The following TYW1B variants were observed in gnomAD, a reference collection of about 807,000 sequenced individuals.
TYW1B encodes the protein S-adenosyl-L-methionine-dependent tRNA 4-demethylwyosine synthase TYW1B.
Under a neutral mutation model 86.9 loss-of-function variants are expected in TYW1B, and 73 were observed. The observed-to-expected ratio is 0.84, with a 90% confidence interval of 0.70 to 1.02. The LOEUF is 1.02. TYW1B is among the 50% of genes least tolerant of loss of function. TYW1B has a pLI of 0.00. For synonymous variants in TYW1B, 248 were observed against 292.8 expected, an observed-to-expected ratio of 0.85 and a Z score of 1.56; for missense variants, 637 against 827.4, an observed-to-expected ratio of 0.77 and a Z score of 2.82.
intron 7 of TYW1B, among the ~76,000 whole-genome samples, chr7:72,754,832 T>C (rs1787559670): frequency 6.6e-6 from 1 of 152,212 alleles, no homozygotes; most frequent in African/African-American, 2.4e-5. Flanking sequence ...TGCCAGACTA[T>C]GTTTGTACAG....
At chr7:72,816,482 G>C (rs1271299943) in intron 2 of TYW1B, among the ~76,000 whole-genome samples, 2 of 152,160 alleles carry the variant, frequency 1.3e-5, no homozygotes, top group Non-Finnish European at 2.9e-5. Context: ...GAGTTCACAG[G>C]GCTGTCAGAA....
chr7:72,742,460 T>C (rs1423547973), intron 8 of TYW1B, among the ~76,000 whole-genome samples: 1 of 152,148 alleles, frequency 6.6e-6, no homozygotes, highest in Non-Finnish European at 1.5e-5. Context: ...CCTCTATTTT[T>C]TCTCTTGATG....
At chr7:72,654,526 A>G (rs1282456736) in intron 11 of TYW1B, among the ~76,000 whole-genome samples, 6 of 152,232 alleles carry the variant, frequency 3.9e-5, no homozygotes, top group Non-Finnish European at 8.8e-5. Context: ...GGAATATAAA[A>G]GGGGCATCCC....
At chr7:72,789,306 A>G (rs1788180221) in intron 6 of TYW1B, among the ~76,000 whole-genome samples, 1 of 150,636 alleles carries the variant, frequency 6.6e-6, no homozygotes, top group Non-Finnish European at 1.5e-5. Flanking sequence ...GCTAATTTTT[A>G]TATTTTTTTA....
chr7:72,786,220 A>G (rs782216920), intron 6 of TYW1B, among the ~76,000 whole-genome samples: 2 of 152,174 alleles, frequency 1.3e-5, no homozygotes, highest in African/African-American at 2.4e-5. Flanking sequence ...TGAAAACAAG[A>G]TCTATTTGAA....
chr7:72,776,308 G>A (rs1469338028), intron 7 of TYW1B, among the ~76,000 whole-genome samples: 5 of 152,184 alleles, frequency 3.3e-5, no homozygotes, highest in South Asian at 4.1e-4. Context: ...GTGTAGGCCA[G>A]GTGCAGTGGC....
intron 1 of TYW1B, 119 bp from the exon 2 acceptor site, chr7:72,827,104 T>C: frequency 1.5e-6 from 2 of 1,340,296 alleles, no homozygotes; most frequent in Non-Finnish European, 2.0e-6. Flanking sequence ...AGCTAAGAAA[T>C]CTAATTTAAA....
chr7:72,727,855 C>G (rs1787031134), intron 9 of TYW1B, among the ~76,000 whole-genome samples: 1 of 147,050 alleles, frequency 6.8e-6, no homozygotes, highest in African/African-American at 2.5e-5. Flanking sequence ...AAAAAGCATA[C>G]TCTTGCGCTT....
chr7:72,725,255 A>G (rs529221217), intron 9 of TYW1B, among the ~76,000 whole-genome samples: 1 of 152,308 alleles, frequency 6.6e-6, no homozygotes, highest in African/African-American at 2.4e-5. Flanking sequence ...TCAGATCGTC[A>G]TTCTGTAGGA....
chr7:72,815,556 CAAGA>C, intron 2 of TYW1B, 75 bp from the exon 3 acceptor site: 1 of 1,343,054 alleles, frequency 7.4e-7, no homozygotes, highest in Non-Finnish European at 1.0e-6. Flanking sequence ...CCTGTTGGCA[CAAGA>C]ATGTGGCATT....
In TYW1B at chr7:72,777,501, AC is replaced by A. The variant is rs782193663; in HGVS notation, c.878del (p.Gly293ValfsTer17). ...CATTCCTCCCCATGTTCCTGAACAAACCAGACTTCTCTTCCTGCTGTTCCTT... is the reference window on the plus strand; with the variant it reads ...CATTCCTCCCCATGTTCCTGAACAAACAGACTTCTCTTCCTGCTGTTCCTT... Reference protein sequence around the residue: ...REKEQQEEKSGLFRNMGRNED... With the variant: ...REKEQQEEKSXLFRNMGRNED... On this transcript the variant is annotated frameshift_variant, in exon 7 of 14. Coordinates refer to ENST00000620995, the MANE Select transcript of TYW1B (RefSeq NM_001145440.3). LOFTEE classifies it high-confidence loss of function. 6.2e-7 allele frequency: 1 copy of A among 1,614,014 alleles called. No individual in the cohort carries two copies. The highest frequency in any genetic ancestry group is 1.3e-5 in the African/African-American group (1 of 74,926).
At position 72,687,965 on chromosome 7, in the gene TYW1B, T is replaced by C. The variant is rs184074298; in HGVS notation, c.1506+6722A>G. Reference sequence around the variant, plus strand: ...TACTAGGGAGGCTGAGGCAGGAGGATTGCTTGAGTCCAGGAGTTCAAGACC... The same window carrying C: ...TACTAGGGAGGCTGAGGCAGGAGGACTGCTTGAGTCCAGGAGTTCAAGACC... On this transcript the variant is annotated intron_variant, in intron 11 of 13. Coordinates refer to ENST00000620995, the MANE Select transcript of TYW1B (RefSeq NM_001145440.3). Among the ~76,000 whole-genome samples the C allele has an allele frequency of 1.4e-4, 22 of 152,210 alleles. No homozygotes were observed. The East Asian group carries it at 2.7e-3, about 19-fold the overall frequency.
chr7:72,750,381 T>C (rs2129571473), intron 7 of TYW1B, among the ~76,000 whole-genome samples: 1 of 152,338 alleles, frequency 6.6e-6, no homozygotes, highest in South Asian at 2.1e-4. Context: ...TGAAATCCTA[T>C]TGTGCTACTC....
At chr7:72,586,726 G>C (rs1419366316) in intron 13 of TYW1B, among the ~76,000 whole-genome samples, 2 of 150,852 alleles carry the variant, frequency 1.3e-5, no homozygotes, top group African/African-American at 4.9e-5. Flanking sequence ...GACAGAGTGA[G>C]ACGCCCATCT....
chr7:72,579,830 C>T (rs1396888595), intron 13 of TYW1B, among the ~76,000 whole-genome samples: 5 of 152,240 alleles, frequency 3.3e-5, no homozygotes, highest in Non-Finnish European at 5.9e-5. Context: ...TTTAAATTTT[C>T]TGTAGAGAAA....
chr7:72,644,359 C>A (rs1554441792), intron 11 of TYW1B, among the ~76,000 whole-genome samples: 2 of 152,004 alleles, frequency 1.3e-5, no homozygotes, highest in South Asian at 2.1e-4. Flanking sequence ...ACCAGCCTGG[C>A]CAAGATGGTG....
chr7:72,726,032 A>G (rs1786992790), intron 9 of TYW1B, among the ~76,000 whole-genome samples: 1 of 152,202 alleles, frequency 6.6e-6, no homozygotes, highest in Non-Finnish European at 1.5e-5. Flanking sequence ...TCAACAATCA[A>G]TTATTAACTA....
intron 11 of TYW1B, among the ~76,000 whole-genome samples, chr7:72,632,393 T>TATACAC (rs1314850784): frequency 1.9e-5 from 2 of 102,630 alleles, no homozygotes; most frequent in African/African-American, 1.0e-4. Flanking sequence ...TATACGTATA[T>TATACAC]ATATATAATA....
At position 72,632,355 on chromosome 7, in the gene TYW1B, T is replaced by TATACACG. The variant is rs1491329360; in HGVS notation, c.1507-3359_1507-3358insCGTGTAT. Among the ~76,000 whole-genome samples the TATACACG allele has an allele frequency of 2.8e-3, 331 of 117,718 alleles. 1 individual carries two copies. The highest frequency in any genetic ancestry group is 8.5e-3 in the African/African-American group (231 of 27,032). The allele number at this position is 117,718 out of a possible 152,430, so 77.2% of individuals were successfully genotyped here. On this transcript the variant is annotated intron_variant, in intron 11 of 13. Coordinates refer to ENST00000620995, the MANE Select transcript of TYW1B (RefSeq NM_001145440.3). ...TATACACGTATATATATTATATATA[T>TATACACG]TATATATATACGCATATATATTATA...
Sources: gnomAD v4.1 joint callset for allele counts (sites outside exome capture counted in the v4.1 genomes callset) on GRCh38, gnomAD v4.1.1 for gene constraint, MANE v1.5 for transcripts, NCBI Gene and HGNC (gene_info 2026-07-23, HGNC 2026-07-21) for gene names.